MCM9: variants seen among roughly 807,000 people sequenced by gnomAD.
The protein encoded by MCM9 is DNA helicase MCM9.
In MCM9, 55 loss-of-function variants were observed where a neutral mutation model predicts 72.8. That is an observed-to-expected ratio of 0.76 (90% confidence interval 0.61 to 0.95). The LOEUF (loss-of-function observed/expected upper bound fraction) is 0.95, where lower values mean the gene tolerates loss of function less well. MCM9 is among the 40% of genes least tolerant of loss of function. The probability of loss-of-function intolerance (pLI) is 0.00; values close to 1 mark genes in which losing one functional copy is unlikely to be tolerated. For synonymous variants in MCM9, 480 were observed against 503.4 expected, an observed-to-expected ratio of 0.95 and a Z score of 0.62; for missense variants, 1,279 against 1,377.0, an observed-to-expected ratio of 0.93 and a Z score of 1.13.
rs1562412343 is a variant in MCM9 at position 118,856,456 on chromosome 6, C to T, written c.1240G>A (p.Asp414Asn). 2.6e-6 allele frequency: 4 copies of T among 1,535,700 alleles called. No homozygotes were observed. Among genetic ancestry groups the T allele is most frequent in the Non-Finnish European group, 3.5e-6 (4 of 1,146,890 alleles). ...VLADAGLCCI[D>N]EFNSLKEHDR... Reference sequence around the variant, plus strand: ...TGCTCTTTGAGGCTATTGAACTCATCAATACAGCAAAGGCCCGCATCTGCA... The same window carrying T: ...TGCTCTTTGAGGCTATTGAACTCATTAATACAGCAAAGGCCCGCATCTGCA... Residue 414 changes from aspartate (D) to asparagine (N), a missense_variant, in exon 9 of 14, where the codon GAT becomes AAT. Coordinates refer to ENST00000619706, the MANE Select transcript of MCM9 (RefSeq NM_017696.3).
chr6:118,876,115 A>G (rs1205519292), intron 8 of MCM9, among the ~76,000 whole-genome samples: 1 of 152,226 alleles, frequency 6.6e-6, no homozygotes, highest in Non-Finnish European at 1.5e-5. Context: ...TAGTAAGTAA[A>G]AGAGGCCAAT....
intron 8 of MCM9, among the ~76,000 whole-genome samples, chr6:118,903,304 A>G (rs560787878): frequency 2.8e-4 from 43 of 152,084 alleles, no homozygotes; most frequent in Non-Finnish European, 5.9e-4. Context: ...TAGAATCTCT[A>G]AGACAAACAG....
intron 3 of MCM9, among the ~76,000 whole-genome samples, chr6:118,926,093 T>A (rs1781870276): frequency 6.6e-6 from 1 of 152,212 alleles, no homozygotes; most frequent in Non-Finnish European, 1.5e-5. Context: ...CTCCCCATTC[T>A]TCCATAACCC....
intron 3 of MCM9, among the ~76,000 whole-genome samples, chr6:118,930,641 G>A (rs570253217): frequency 6.6e-6 from 1 of 152,304 alleles, no homozygotes; most frequent in South Asian, 2.1e-4. Context: ...AGAAACTGAG[G>A]CTCAGTGAGA....
intron 3 of MCM9, among the ~76,000 whole-genome samples, chr6:118,928,341 G>A (rs1003409720): frequency 2.0e-5 from 3 of 151,776 alleles, no homozygotes; most frequent in Non-Finnish European, 2.9e-5. Context: ...AACCTGGGAG[G>A]CAGAGGTTGC....
intron 9 of MCM9, among the ~76,000 whole-genome samples, chr6:118,841,671 T>C (rs1009655863): frequency 1.3e-5 from 2 of 152,174 alleles, no homozygotes; most frequent in African/African-American, 4.8e-5. Context: ...AGAATCACAG[T>C]ATACAATAAA....
At chr6:118,913,182 T>A in intron 7 of MCM9, 113 bp downstream of exon 7, 1 of 1,229,658 alleles carries the variant, frequency 8.1e-7, no homozygotes, top group Non-Finnish European at 1.1e-6. Flanking sequence ...GTCAGTTTTA[T>A]AAGATTACAA....
At chr6:118,825,759 T>C (rs1019522560) in intron 13 of MCM9, among the ~76,000 whole-genome samples, 1 of 152,222 alleles carries the variant, frequency 6.6e-6, no homozygotes, top group Non-Finnish European at 1.5e-5. Flanking sequence ...GTATCCTCCT[T>C]GTCTATTATT....
chr6:118,873,195 A>T (rs1193060652), intron 8 of MCM9, among the ~76,000 whole-genome samples: 1 of 14,140 alleles, frequency 7.1e-5, no homozygotes, highest in African/African-American at 1.9e-4. Context: ...AGGGGAGAGG[A>T]GGGGAGGGGA....
chr6:118,843,807 AATG>A (rs1281629379), intron 9 of MCM9, among the ~76,000 whole-genome samples: 1 of 149,328 alleles, frequency 6.7e-6, no homozygotes, highest in African/African-American at 2.5e-5. Context: ...ATTAAAGGGA[AATG>A]ATAATTCAAA....
intron 11 of MCM9, among the ~76,000 whole-genome samples, chr6:118,827,420 A>ATT (rs1774235377): frequency 6.6e-6 from 1 of 152,218 alleles, no homozygotes; most frequent in Admixed American, 6.5e-5. Flanking sequence ...AAAAGCTAAA[A>ATT]TGTAAAAGCC....
At chr6:118,922,118 T>G in intron 4 of MCM9, 32 bp from the exon 5 acceptor site, 1 of 1,531,158 alleles carries the variant, frequency 6.5e-7, no homozygotes. Context: ...ATTCTGAGTA[T>G]GCTTAAATAC....
Position 118,815,866 on chromosome 6 carries a change from A to T in MCM9, c.2390T>A (p.Ile797Asn). ...SEPGQRSKVD[I>N]GLLPSPGETG... ...CTCTCCTGGTGATGGAAGCAACCCAATGTCCACTTTGCTCCTTTGGCCTGG... is the reference window on the plus strand; with the variant it reads ...CTCTCCTGGTGATGGAAGCAACCCATTGTCCACTTTGCTCCTTTGGCCTGG... The change falls in exon 14 of 14, where the codon ATT becomes AAT. Residue 797 changes from isoleucine (I) to asparagine (N), a missense_variant. Transcript: ENST00000619706. The T allele has an allele frequency of 1.9e-6, 3 of 1,541,476 alleles. No homozygotes were observed. The highest frequency in any genetic ancestry group is 2.6e-6 in the Non-Finnish European group (3 of 1,146,948).
intron 8 of MCM9, among the ~76,000 whole-genome samples, chr6:118,865,125 C>T (rs1375441684): frequency 6.6e-6 from 1 of 152,160 alleles, no homozygotes; most frequent in Non-Finnish European, 1.5e-5. Context: ...CACAATTTTA[C>T]AGCTCCCACT....
chr6:118,932,526 G>A, intron 2 of MCM9, 81 bp downstream of exon 2: 11 of 809,382 alleles, frequency 1.4e-5, no homozygotes, highest in Non-Finnish European at 1.6e-5. Context: ...TGAACACAGT[G>A]TCATTCTTTC....
chr6:118,901,193 A>G (rs1000068399), intron 8 of MCM9, among the ~76,000 whole-genome samples: 7 of 152,228 alleles, frequency 4.6e-5, no homozygotes, highest in Admixed American at 1.3e-4. Context: ...ATAGCACCTC[A>G]GTATCAGACT....
intron 8 of MCM9, among the ~76,000 whole-genome samples, chr6:118,872,820 A>G (rs1031527289): frequency 6.6e-6 from 1 of 152,066 alleles, no homozygotes; most frequent in Non-Finnish European, 1.5e-5. Context: ...GGAAGGCCAA[A>G]TGAAATACAA....
intron 8 of MCM9, among the ~76,000 whole-genome samples, chr6:118,879,791 C>A (rs1778169561): frequency 6.6e-6 from 1 of 150,654 alleles, no homozygotes; most frequent in Admixed American, 6.6e-5. Flanking sequence ...TGCCTGTAAT[C>A]CCAGCACTTT....
At chr6:118,824,292 C>T (rs1174931853) in intron 13 of MCM9, among the ~76,000 whole-genome samples, 2 of 151,862 alleles carry the variant, frequency 1.3e-5, no homozygotes, top group African/African-American at 4.8e-5. Flanking sequence ...GCAAAAATCT[C>T]CTAAAAGATG....
Sources: allele counts gnomAD v4.1 joint callset (sites outside exome capture counted in the v4.1 genomes callset), GRCh38; gene constraint gnomAD v4.1.1; transcripts MANE v1.5; gene names NCBI Gene and HGNC (gene_info 2026-07-23, HGNC 2026-07-21).